Variants in GMDS observed in about 807,000 individuals in gnomAD.
GMDS encodes the protein GDP-mannose 4,6 dehydratase.
In GMDS, 20 loss-of-function variants were observed where a neutral mutation model predicts 49.9. The observed-to-expected ratio is 0.40, with a 90% CI of 0.28 to 0.58. GMDS has a LOEUF of 0.58. GMDS is among the 20% of genes least tolerant of loss of function. The pLI, the probability that GMDS is intolerant of heterozygous loss-of-function variation, is 0.42. For synonymous variants in GMDS, 177 were observed against 178.6 expected, an observed-to-expected ratio of 0.99 and a Z score of 0.07; for missense variants, 362 against 481.4, an observed-to-expected ratio of 0.75 and a Z score of 2.32.
chr6:1,999,104 A>G (rs1038221545), intron 4 of GMDS, among the ~76,000 whole-genome samples: 17 of 152,030 alleles, frequency 1.1e-4, no homozygotes, highest in African/African-American at 3.4e-4. Flanking sequence ...CGGCCATATC[A>G]TGAGGTCAGG....
chr6:1,841,227 C>T (rs1043762311), intron 7 of GMDS, among the ~76,000 whole-genome samples: 9 of 152,166 alleles, frequency 5.9e-5, no homozygotes, highest in Admixed American at 6.5e-5. Flanking sequence ...ATCAAATGAA[C>T]TCTCTCTCCT....
intron 4 of GMDS, among the ~76,000 whole-genome samples, chr6:2,069,424 C>A (rs1291524845): frequency 1.6e-4 from 24 of 151,986 alleles, no homozygotes; most frequent in East Asian, 3.9e-4. Context: ...AATGGGATCT[C>A]ATTAAACTAA....
In GMDS at chr6:1,799,130, G is replaced by C. The variant is rs3823275; in HGVS notation, c.772-56544C>G. Among the ~76,000 whole-genome samples the C allele has an allele frequency of 1.8e-3, 275 of 152,194 alleles. 3 individuals are homozygous for C. The East Asian group carries it at 0.047, about 26-fold the overall frequency. ...AGCGAGGGAAGGGACTGGAGCCAGGGATCTGGGCTGGAGGTGGAGTAAGAG... is the reference window on the plus strand; with the variant it reads ...AGCGAGGGAAGGGACTGGAGCCAGGCATCTGGGCTGGAGGTGGAGTAAGAG... On this transcript the variant is annotated intron_variant, in intron 7 of 10. Transcript: ENST00000380815.
chr6:2,088,223 G>GA (rs904921058), intron 4 of GMDS, among the ~76,000 whole-genome samples: 2 of 151,834 alleles, frequency 1.3e-5, no homozygotes, highest in African/African-American at 2.4e-5. Flanking sequence ...GCGGAGATCA[G>GA]AAAAAAAATG....
At chr6:2,025,360 GTGTGT>G (rs1561985336) in intron 4 of GMDS, among the ~76,000 whole-genome samples, 66 of 784 alleles carry the variant, frequency 0.084, no homozygotes, top group East Asian at 0.12. Context: ...ATGGTGGGGT[GTGTGT>G]GTGTGTGTGT....
intron 4 of GMDS, among the ~76,000 whole-genome samples, chr6:2,009,595 T>C (rs1767420981): frequency 6.6e-6 from 1 of 152,202 alleles, no homozygotes; most frequent in Non-Finnish European, 1.5e-5. Flanking sequence ...ATTCAATCCT[T>C]GGTTCGTTTA....
At chr6:2,008,744 T>G (rs1029277957) in intron 4 of GMDS, among the ~76,000 whole-genome samples, 1 of 152,230 alleles carries the variant, frequency 6.6e-6, no homozygotes, top group South Asian at 2.1e-4. Context: ...GATTAACTAG[T>G]GCTTCATACT....
At chr6:2,029,329 A>G (rs2127414763) in intron 4 of GMDS, among the ~76,000 whole-genome samples, 1 of 152,282 alleles carries the variant, frequency 6.6e-6, no homozygotes, top group East Asian at 1.9e-4. Context: ...TCAGCAGGTG[A>G]CTGTCCGGTT....
intron 7 of GMDS, among the ~76,000 whole-genome samples, chr6:1,871,525 C>A (rs943886410): frequency 6.6e-6 from 1 of 152,064 alleles, no homozygotes; most frequent in Non-Finnish European, 1.5e-5. Flanking sequence ...TTGAAAGCAA[C>A]CTTTGGTAAA....
At chr6:1,879,844 C>T (rs1200514025) in intron 7 of GMDS, among the ~76,000 whole-genome samples, 2 of 152,036 alleles carry the variant, frequency 1.3e-5, no homozygotes, top group Non-Finnish European at 2.9e-5. Context: ...GATAGTACAG[C>T]CTTTCTAGGA....
intron 7 of GMDS, among the ~76,000 whole-genome samples, chr6:1,837,642 T>C (rs1196333099): frequency 2.0e-5 from 3 of 152,202 alleles, no homozygotes; most frequent in African/African-American, 7.2e-5. Context: ...TCTCAAGAAC[T>C]TCGACATCTT....
intron 7 of GMDS, among the ~76,000 whole-genome samples, chr6:1,837,323 GC>G (rs1209255533): frequency 6.6e-6 from 1 of 152,156 alleles, no homozygotes; most frequent in Non-Finnish European, 1.5e-5. Flanking sequence ...AAGGGACATA[GC>G]CGGTTCTTCA....
In GMDS at chr6:1,625,242, C is replaced by T. The variant is rs866555089; in HGVS notation, c.988-702G>A. 3.9e-5 allele frequency: 6 copies of T among 152,234 alleles called. No homozygotes were observed. In the South Asian group the frequency reaches 6.2e-4, roughly 16 times the overall value. 9.4% of individuals were successfully genotyped at this position (152,234 alleles called of 1,614,324 possible). A position where few individuals can be genotyped will look rare whatever the true frequency, so the allele number is the denominator to read the frequency against. ...GTTCACGTCGCCTCCCGCACACACG[C>T]GTTCATAAAACGAAACTGGAGTTTC... is the stretch of plus-strand genomic sequence containing the variant. On this transcript the variant is annotated intron_variant, in intron 9 of 10. Coordinates refer to ENST00000380815, the MANE Select transcript of GMDS (RefSeq NM_001500.4).
chr6:2,100,979 C>G (rs1451570830), intron 4 of GMDS, among the ~76,000 whole-genome samples: 1 of 151,676 alleles, frequency 6.6e-6, no homozygotes, highest in South Asian at 2.1e-4. Context: ...CTGTTAACTT[C>G]TATGTTATTA....
intron 4 of GMDS, among the ~76,000 whole-genome samples, chr6:2,098,826 T>C (rs1259321465): frequency 6.6e-6 from 1 of 152,148 alleles, no homozygotes; most frequent in African/African-American, 2.4e-5. Context: ...TCCTGGAATC[T>C]TTTACTTGGG....
chr6:2,035,064 G>A (rs1282262420), intron 4 of GMDS, among the ~76,000 whole-genome samples: 2 of 152,112 alleles, frequency 1.3e-5, no homozygotes, highest in Non-Finnish European at 2.9e-5. Flanking sequence ...GATTTAAGCT[G>A]TTTTCAGGCC....
At chr6:1,841,779 G>A (rs535570932) in intron 7 of GMDS, among the ~76,000 whole-genome samples, 1 of 152,288 alleles carries the variant, frequency 6.6e-6, no homozygotes, top group Non-Finnish European at 1.5e-5. Flanking sequence ...GAGGAAGGAC[G>A]CTGACACAGG....
intron 9 of GMDS, among the ~76,000 whole-genome samples, chr6:1,651,919 T>A (rs1368008329): frequency 1.3e-5 from 2 of 150,566 alleles, no homozygotes; most frequent in Non-Finnish European, 3.0e-5. Context: ...AACTTCAACA[T>A]CACACACTCA....
chr6:2,148,268 G>C (rs1776673851), intron 1 of GMDS, among the ~76,000 whole-genome samples: 1 of 152,148 alleles, frequency 6.6e-6, no homozygotes, highest in South Asian at 2.1e-4. Context: ...ATTCTGATTT[G>C]CAGTGTGGAC....
Sources: allele counts gnomAD v4.1 joint callset (sites outside exome capture counted in the v4.1 genomes callset), GRCh38; gene constraint gnomAD v4.1.1; transcripts MANE v1.5; gene names NCBI Gene and HGNC (gene_info 2026-07-23, HGNC 2026-07-21).